The following DMXL2 variants were observed in gnomAD, a reference collection of about 807,000 sequenced individuals.
The protein encoded by DMXL2 is dmX-like protein 2.
In DMXL2, 103 loss-of-function variants were observed where a neutral mutation model predicts 331.1. The ratio of observed to expected loss-of-function variants is 0.31; its 90% CI spans 0.27 to 0.37. The LOEUF is 0.37. Ranked by LOEUF, DMXL2 falls within the 10% of genes least tolerant of loss-of-function variation. The probability of loss-of-function intolerance (pLI) is 1.00; values close to 1 mark genes in which losing one functional copy is unlikely to be tolerated. For missense variants in DMXL2, 3,171 were observed against 3,642.9 expected (o/e 0.87, Z 3.33); for synonymous variants, 1,281 against 1,252.1 (o/e 1.02, Z -0.49).
At chr15:51,456,042 C>T (rs1288080454) in intron 39 of DMXL2, 24 bp downstream of exon 39, 3 of 1,611,626 alleles carry the variant, frequency 1.9e-6, no homozygotes, top group Admixed American at 1.7e-5. Context: ...CAGATGAATT[C>T]AGCAGTAGCC....
Position 51,450,113 on chromosome 15 carries a change from T to C in DMXL2, c.8967+16A>G, listed in dbSNP as rs1313006558. The C allele has an allele frequency of 1.2e-6, 2 of 1,611,540 alleles. No individual in the cohort carries two copies. Among genetic ancestry groups the C allele is most frequent in the East Asian group, 4.5e-5 (2 of 44,846 alleles). ...AATCAGTCTTTAGCACATTCCAACC[T>C]CTTGTACTGACTCACCTTTATGTTA... On this transcript the variant is annotated intron_variant, in intron 43 of 43. Coordinates refer to ENST00000560891, the MANE Select transcript of DMXL2 (RefSeq NM_001378457.1).
chr15:51,507,453 T>G (rs1467766635), intron 15 of DMXL2, among the ~76,000 whole-genome samples, 200 bp from the exon 16 acceptor site: 1 of 152,154 alleles, frequency 6.6e-6, no homozygotes, highest in Non-Finnish European at 1.5e-5. Flanking sequence ...ACGTCAAAAG[T>G]ACACAAAAGC....
chr15:51,481,769 T>C (rs2042029948), intron 23 of DMXL2, 146 bp from the exon 24 acceptor site: 1 of 729,772 alleles, frequency 1.4e-6, no homozygotes, highest in African/African-American at 1.8e-5. Context: ...TATACAATCA[T>C]TACAACTGTA....
intron 36 of DMXL2, 66 bp downstream of exon 36, chr15:51,458,440 T>A: frequency 6.6e-7 from 1 of 1,520,312 alleles, no homozygotes; most frequent in Non-Finnish European, 9.0e-7. Flanking sequence ...ATTCAAATCA[T>A]GTGCATAACC....
intron 42 of DMXL2, 80 bp downstream of exon 42, chr15:51,451,565 A>G (rs1407659497): frequency 9.0e-7 from 1 of 1,108,390 alleles, no homozygotes; most frequent in Non-Finnish European, 1.3e-6. Context: ...TGGATTCACT[A>G]ATTAAAACCA....
chr15:51,529,902 A>G (rs1596140791), intron 13 of DMXL2, among the ~76,000 whole-genome samples: 1 of 152,302 alleles, frequency 6.6e-6, no homozygotes, highest in East Asian at 1.9e-4. Context: ...AAAATGATTA[A>G]AAGATCATTT....
intron 13 of DMXL2, among the ~76,000 whole-genome samples, chr15:51,527,544 C>T (rs2047745380): frequency 6.6e-6 from 1 of 152,224 alleles, no homozygotes; most frequent in Non-Finnish European, 1.5e-5. Context: ...GCCTGGGCAA[C>T]ACGGTGAAAC....
intron 23 of DMXL2, among the ~76,000 whole-genome samples, chr15:51,483,048 G>C (rs1302010706): frequency 6.6e-6 from 1 of 152,148 alleles, no homozygotes; most frequent in Non-Finnish European, 1.5e-5. Flanking sequence ...ACTTCTCATT[G>C]CAGAGGGGAA....
chr15:51,555,341 A>G (rs1177197415), intron 6 of DMXL2, among the ~76,000 whole-genome samples: 1 of 152,206 alleles, frequency 6.6e-6, no homozygotes, highest in East Asian at 1.9e-4. Context: ...GATATATTCT[A>G]AAGGTGAGCC....
chr15:51,592,263 G>T (rs2052421356), intron 1 of DMXL2, among the ~76,000 whole-genome samples: 1 of 152,164 alleles, frequency 6.6e-6, no homozygotes, highest in Non-Finnish European at 1.5e-5. Flanking sequence ...GGAACTACAT[G>T]ACGAATGCAC....
chr15:51,543,081 T>C (rs1233155964), intron 8 of DMXL2, among the ~76,000 whole-genome samples: 1 of 152,162 alleles, frequency 6.6e-6, no homozygotes, highest in Non-Finnish European at 1.5e-5. Context: ...ATTTGCAATT[T>C]GGATATGTTT....
intron 6 of DMXL2, among the ~76,000 whole-genome samples, chr15:51,561,708 T>C (rs183725765): frequency 1.3e-5 from 2 of 152,270 alleles, no homozygotes; most frequent in Admixed American, 1.3e-4. Context: ...AGGAAATCAG[T>C]GTATCAAAGG....
intron 1 of DMXL2, among the ~76,000 whole-genome samples, chr15:51,588,357 C>T (rs778518954): frequency 1.1e-4 from 17 of 152,110 alleles, no homozygotes; most frequent in Non-Finnish European, 2.2e-4. Context: ...TAGTATTTCA[C>T]CATGTTGTCC....
chr15:51,542,616 T>A lies in DMXL2; in HGVS notation c.931-109A>T, dbSNP rs144993176. On this transcript the variant is annotated intron_variant, in intron 8 of 43. Transcript: ENST00000560891. ...TAAGATTTTTTTCTCCATAAAAACC[T>A]GATCATTTTAAAGGAAACTTTTTAA... is the stretch of plus-strand genomic sequence containing the variant. 2,369 of 783,336 alleles carry A rather than the reference T, an allele frequency of 3.0e-3. 70 individuals carry two copies. The East Asian group carries it at 0.052, about 17-fold the overall frequency. 48.5% of individuals were successfully genotyped at this position (783,336 alleles called of 1,614,324 possible). A position where few individuals can be genotyped will look rare whatever the true frequency, so the allele number is the denominator to read the frequency against.
chr15:51,558,547 C>G lies in DMXL2; in HGVS notation c.567+4834G>C, dbSNP rs557634706. Among the ~76,000 whole-genome samples, 7 of 152,312 alleles carry G rather than the reference C, an allele frequency of 4.6e-5. No homozygotes were observed. In the East Asian group the frequency reaches 1.3e-3, roughly 29 times the overall value. ...CATATTTCAAAGTATTTTTTACACT[C>G]ATTTCTACTTTGAAATTGTTAGTTA... On this transcript the variant is annotated intron_variant, in intron 6 of 43. Transcript: ENST00000560891.
intron 13 of DMXL2, among the ~76,000 whole-genome samples, chr15:51,521,482 A>AGTAGTG: frequency 6.6e-6 from 1 of 150,908 alleles, no homozygotes; most frequent in East Asian, 1.9e-4. Context: ...TAGTAGTAGT[A>AGTAGTG]GTAGTAGCAG....
intron 36 of DMXL2, 39 bp from the exon 37 acceptor site, chr15:51,457,505 TTTCTC>T (rs1463150215): frequency 6.2e-7 from 1 of 1,603,622 alleles, no homozygotes; most frequent in Non-Finnish European, 8.5e-7. Context: ...AACATTCCCT[TTTCTC>T]TTAACACAAA....
chr15:51,610,535 G>A (rs961732353), intron 1 of DMXL2, among the ~76,000 whole-genome samples: 9 of 152,142 alleles, frequency 5.9e-5, no homozygotes, highest in South Asian at 2.1e-4. Context: ...TTGGGAGGCC[G>A]AGGCGGGCAG....
chr15:51,514,345 T>G, intron 15 of DMXL2, 97 bp downstream of exon 15: 20 of 694,790 alleles, frequency 2.9e-5, no homozygotes, highest in East Asian at 1.2e-4. Flanking sequence ...TCAAAAATTA[T>G]GAGAGTGGTA....
Sources: allele counts gnomAD v4.1 joint callset (sites outside exome capture counted in the v4.1 genomes callset), GRCh38; gene constraint gnomAD v4.1.1; transcripts MANE v1.5; gene names NCBI Gene and HGNC (gene_info 2026-07-23, HGNC 2026-07-21).